Variants in MITF observed in about 807,000 individuals in gnomAD.
The protein encoded by MITF is microphthalmia-associated transcription factor.
MITF carries 17 observed loss-of-function variants against 60.5 expected under a neutral mutation model. The ratio of observed to expected loss-of-function variants is 0.28; its 90% CI spans 0.19 to 0.42. The LOEUF is 0.42. Ranked by LOEUF, MITF falls within the 10% of genes least tolerant of loss-of-function variation. The pLI, the probability that MITF is intolerant of heterozygous loss-of-function variation, is 1.00. For synonymous variants in MITF, 260 were observed against 248.5 expected (o/e 1.05, Z -0.43); for missense variants, 622 against 683.5 (o/e 0.91, Z 1.00).
chr3:69,927,531 T>TA (rs1242100997), intron 2 of MITF, among the ~76,000 whole-genome samples: 13 of 145,880 alleles, frequency 8.9e-5, no homozygotes, highest in South Asian at 4.3e-4. Context: ...GAACTTAAAG[T>TA]AAAAAAAAAA....
Position 69,742,452 on chromosome 3 carries a change from T to C in MITF, c.104+2751T>C, listed in dbSNP as rs145384331. Among the ~76,000 whole-genome samples the C allele has an allele frequency of 2.5e-3, 386 of 152,206 alleles. 7 individuals are homozygous for C. Among genetic ancestry groups the C allele is most frequent in the Admixed American group, 0.021 (325 of 15,288 alleles). ...CAGAACCTGCCCATGGCTCCTAATT[T>C]CTCCCAGTAAAATTCAAGGTTCTTA... On this transcript the variant is annotated intron_variant, in intron 1 of 9. Coordinates refer to ENST00000352241, the MANE Select transcript of MITF (RefSeq NM_001354604.2).
chr3:69,921,226 C>T (rs2065460737), intron 2 of MITF, among the ~76,000 whole-genome samples: 1 of 152,200 alleles, frequency 6.6e-6, no homozygotes, highest in South Asian at 2.1e-4. Context: ...ATATGTGAAA[C>T]TCCGTAAGCT....
chr3:69,746,115 C>G (rs1703716470), intron 1 of MITF, among the ~76,000 whole-genome samples: 1 of 152,206 alleles, frequency 6.6e-6, no homozygotes, highest in African/African-American at 2.4e-5. Flanking sequence ...AGAGGGAACA[C>G]TTGATTAAAG....
chr3:69,748,614 A>G lies in MITF; in HGVS notation c.104+8913A>G, dbSNP rs191992074. ...TATTTTAAGTCTAAGTGCATGCCCT[A>G]TAGAGGGCACTGGTAGAATCCTGTC... On this transcript the variant is annotated intron_variant, in intron 1 of 9. Coordinates refer to ENST00000352241, the MANE Select transcript of MITF (RefSeq NM_001354604.2). Among the ~76,000 whole-genome samples, 4 of 152,332 alleles carry G rather than the reference A, an allele frequency of 2.6e-5. No individual in the cohort carries two copies. The East Asian group carries it at 5.8e-4, about 22-fold the overall frequency.
intron 1 of MITF, among the ~76,000 whole-genome samples, chr3:69,811,662 C>G (rs2063102420): frequency 6.6e-6 from 1 of 152,216 alleles, no homozygotes; most frequent in African/African-American, 2.4e-5. Context: ...AGATCTTCAG[C>G]TGGCAAACAC....
chr3:69,913,821 C>T (rs932366378), intron 2 of MITF, among the ~76,000 whole-genome samples: 1 of 152,080 alleles, frequency 6.6e-6, no homozygotes, highest in Non-Finnish European at 1.5e-5. Flanking sequence ...CTCAACCTTC[C>T]CATATTCAAG....
chr3:69,768,525 T>A (rs2062337783), intron 1 of MITF, among the ~76,000 whole-genome samples: 1 of 152,226 alleles, frequency 6.6e-6, no homozygotes, highest in Non-Finnish European at 1.5e-5. Context: ...GAGTTCCTGA[T>A]CCAAGAAGAA....
chr3:69,791,232 C>T (rs2062735257), intron 1 of MITF, among the ~76,000 whole-genome samples: 1 of 152,162 alleles, frequency 6.6e-6, no homozygotes, highest in Non-Finnish European at 1.5e-5. Flanking sequence ...TGATTGGCGC[C>T]AGCACTTGCA....
intron 1 of MITF, among the ~76,000 whole-genome samples, chr3:69,837,051 G>T (rs1206858724): frequency 6.6e-6 from 1 of 152,156 alleles, no homozygotes; most frequent in Non-Finnish European, 1.5e-5. Flanking sequence ...GACCCTTAGG[G>T]CTTCCAGATG....
intron 2 of MITF, among the ~76,000 whole-genome samples, chr3:69,906,733 T>G (rs571900445): frequency 1.3e-4 from 20 of 152,178 alleles, no homozygotes; most frequent in Non-Finnish European, 2.9e-4. Context: ...TGGTAGATTC[T>G]GAAGTGGATT....
intron 6 of MITF, 89 bp downstream of exon 6, chr3:69,949,257 T>C: frequency 2.0e-6 from 2 of 976,404 alleles, no homozygotes; most frequent in South Asian, 1.3e-5. Context: ...GTGCAAACTA[T>C]ATCCAACTCA....
At chr3:69,948,081 C>T (rs1352664678) in intron 5 of MITF, among the ~76,000 whole-genome samples, 5 of 152,064 alleles carry the variant, frequency 3.3e-5, no homozygotes, top group African/African-American at 4.8e-5. Context: ...GAGGGCTAAA[C>T]GACTTAAAGT....
At chr3:69,954,997 T>C (rs527630836) in intron 7 of MITF, among the ~76,000 whole-genome samples, 1 of 152,262 alleles carries the variant, frequency 6.6e-6, no homozygotes, top group African/African-American at 2.4e-5. Context: ...TTTGTTTGAC[T>C]ACATTAATTA....
chr3:69,921,493 C>T lies in MITF; in HGVS notation c.355-16329C>T, dbSNP rs145427797. On this transcript the variant is annotated intron_variant, in intron 2 of 9. Coordinates refer to ENST00000352241, the MANE Select transcript of MITF (RefSeq NM_001354604.2). ...TTTATCATTATTGTGTTGAATTGAT[C>T]GTTCTTGATTTATAGCATAGCTTTT... Among the ~76,000 whole-genome samples, 19 of 152,194 alleles carry T rather than the reference C, an allele frequency of 1.2e-4. No individual in the cohort carries two copies. The East Asian group carries it at 3.3e-3, about 26-fold the overall frequency.
chr3:69,935,941 G>A lies in MITF; in HGVS notation c.355-1881G>A, dbSNP rs565883080. 1.4e-4 allele frequency among the ~76,000 whole-genome samples: 22 copies of A among 152,226 alleles called. No homozygotes were observed. In the South Asian group the frequency reaches 4.1e-3, roughly 29 times the overall value. On this transcript the variant is annotated intron_variant, in intron 2 of 9. Transcript: ENST00000352241. ...ATATGTAAAAATTCTCAGCAAAAAT[G>A]CTCATGCTTTTTTCATTTGAGAATT...
chr3:69,903,147 T>C (rs1449214342), intron 2 of MITF, among the ~76,000 whole-genome samples: 1 of 152,214 alleles, frequency 6.6e-6, no homozygotes, highest in African/African-American at 2.4e-5. Flanking sequence ...AATTTTTCTC[T>C]ATGATGTGGA....
At chr3:69,883,544 A>G (rs575843543) in intron 2 of MITF, among the ~76,000 whole-genome samples, 7 of 152,338 alleles carry the variant, frequency 4.6e-5, no homozygotes, top group African/African-American at 1.2e-4. Flanking sequence ...TAGGTATAAC[A>G]CAGAACATGA....
intron 1 of MITF, chr3:69,752,294 T>C (rs1382819559): frequency 6.6e-6 from 1 of 151,750 alleles, no homozygotes; most frequent in Admixed American, 6.6e-5. Context: ...CAGGCAGAGG[T>C]TGGAAGAATT....
intron 1 of MITF, among the ~76,000 whole-genome samples, chr3:69,786,547 C>G (rs1311320698): frequency 6.6e-6 from 1 of 151,986 alleles, no homozygotes; most frequent in African/African-American, 2.4e-5. Context: ...AAAGGAAATG[C>G]ATCTAAAAAG....
Sources: gnomAD v4.1 joint callset for allele counts (sites outside exome capture counted in the v4.1 genomes callset) on GRCh38, gnomAD v4.1.1 for gene constraint, MANE v1.5 for transcripts, NCBI Gene and HGNC (gene_info 2026-07-23, HGNC 2026-07-21) for gene names.